SLFN5: variants seen among roughly 807,000 people sequenced by gnomAD.
The protein encoded by SLFN5 is schlafen family member 5.
A neutral mutation model predicts 48.5 loss-of-function variants in SLFN5; 34 were observed. That is an observed-to-expected ratio of 0.70 (90% CI 0.53 to 0.93). The LOEUF (loss-of-function observed/expected upper bound fraction) is 0.93. Among genes scored for constraint, SLFN5 ranks in the 40% least tolerant of loss-of-function variants. The pLI, the probability that SLFN5 is intolerant of heterozygous loss-of-function variation, is 0.00. For synonymous variants in SLFN5, 387 were observed against 396.2 expected, an observed-to-expected ratio of 0.98 and a Z score of 0.28; for missense variants, 1,006 against 1,071.3, an observed-to-expected ratio of 0.94 and a Z score of 0.85.
rs141858144 is a variant in SLFN5 at position 35,261,059 on chromosome 17, G to A, written c.1101G>A (p.Ser367=). 3.2e-5 allele frequency: 51 copies of A among 1,613,782 alleles called. No homozygotes were observed. In the East Asian group the frequency reaches 4.9e-4, roughly 16 times the overall value. The change falls in exon 3 of 5, where the codon TCG becomes TCA. Residue 367 remains serine, a synonymous_variant. Transcript: ENST00000299977. ...RSKPVCIHKN[S]ECLKEQQKRY... ...AGCCTGTGTGCATTCATAAGAATTC[G>A]GAATGTCTGAAAGAGCAGCAGAAAC...
chr17:35,252,929 A>G (rs1251150155), intron 1 of SLFN5, among the ~76,000 whole-genome samples: 1 of 151,976 alleles, frequency 6.6e-6, no homozygotes, highest in East Asian at 1.9e-4. Flanking sequence ...TCTAAACAGC[A>G]TGCTTATTTT....
In SLFN5 at chr17:35,266,141, GATGTGTGT is replaced by G. The variant is rs1243113073; in HGVS notation, c.*254_*261del. On this transcript the variant is annotated 3_prime_UTR_variant, in exon 5 of 5. Coordinates refer to ENST00000299977, the MANE Select transcript of SLFN5 (RefSeq NM_144975.4). Reference sequence around the variant, plus strand: ...TAATTAGAGGACCGTGAGACTCAGAGATGTGTGTGTGTGTGTGTGTGTGTGTGTGTGTG... The same window carrying G: ...TAATTAGAGGACCGTGAGACTCAGAGGTGTGTGTGTGTGTGTGTGTGTGTG... 45 of 354,026 alleles carry G rather than the reference GATGTGTGT, an allele frequency of 1.3e-4. No homozygotes were observed. Among genetic ancestry groups the G allele is most frequent in the Non-Finnish European group, 1.9e-4 (38 of 196,412 alleles). 21.9% of individuals were successfully genotyped at this position (354,026 alleles called of 1,614,324 possible). A position where few individuals can be genotyped will look rare whatever the true frequency, so the allele number is the denominator to read the frequency against.
chr17:35,272,540 A>G lies in SLFN5; in HGVS notation c.*6652A>G, dbSNP rs941635917. 2 of 152,246 alleles carry G rather than the reference A, an allele frequency of 1.3e-5. No individual in the cohort carries two copies. The highest frequency in any genetic ancestry group is 4.8e-5 in the African/African-American group (2 of 41,468). 9.4% of individuals were successfully genotyped at this position (152,246 alleles called of 1,614,324 possible). ...TCAGAAACCAGGAAGGAAAATATTG[A>G]CTATTTTAAACAAAATTATCTCTGT... On this transcript the variant is annotated 3_prime_UTR_variant, in exon 5 of 5. Transcript: ENST00000299977.
intron 1 of SLFN5, among the ~76,000 whole-genome samples, chr17:35,257,422 C>T (rs576819373): frequency 6.6e-6 from 1 of 152,274 alleles, no homozygotes; most frequent in Admixed American, 6.5e-5. Flanking sequence ...TCTTGGCAGC[C>T]GGACAGGTGG....
rs764466457 is a variant in SLFN5 at position 35,259,241 on chromosome 17, T to G, written c.551T>G (p.Leu184Arg). 6.2e-7 allele frequency: 1 copy of G among 1,614,164 alleles called. No homozygotes were observed. The highest frequency in any genetic ancestry group is 1.1e-5 in the South Asian group (1 of 91,084). ...TTTGATAGAAAGCGGCTTCAGTATCTGGAAAAACTCAACCTTCCTGAGTCC... is the reference window on the plus strand; with the variant it reads ...TTTGATAGAAAGCGGCTTCAGTATCGGGAAAAACTCAACCTTCCTGAGTCC... ...ALFDRKRLQY[L>R]EKLNLPESTH... Residue 184 changes from leucine to arginine, a missense_variant, in exon 2 of 5, where the codon CTG becomes CGG. Leu to Arg is a moderately radical substitution (Grantham distance 102). Coordinates refer to ENST00000299977, the MANE Select transcript of SLFN5 (RefSeq NM_144975.4).
Position 35,264,470 on chromosome 17 carries a change from C to G in SLFN5, c.1426C>G (p.Gln476Glu). Residue 476 changes from glutamine to glutamate, a missense_variant, in exon 4 of 5, where the codon CAG (glutamine) becomes GAG (glutamate). Coordinates refer to ENST00000299977, the MANE Select transcript of SLFN5 (RefSeq NM_144975.4). The stretch of plus-strand genomic sequence containing the variant: ...TATGATAGTTGCCTATTCTTTGAAG[C>G]AGAAGCTGGTGAACAAAGGCGGCTA... ...YSMIVAYSLK[Q>E]KLVNKGGYTG... 2.5e-6 allele frequency: 4 copies of G among 1,614,146 alleles called. No homozygotes were observed. The highest frequency in any genetic ancestry group is 3.4e-6 in the Non-Finnish European group (4 of 1,180,022).
chr17:35,263,820 A>AC (rs1445015650), intron 3 of SLFN5, among the ~76,000 whole-genome samples: 2 of 151,384 alleles, frequency 1.3e-5, no homozygotes, highest in Non-Finnish European at 2.9e-5. Context: ...TCAAAAAAAA[A>AC]AAAAAAGAAG....
intron 1 of SLFN5, among the ~76,000 whole-genome samples, chr17:35,244,267 G>A (rs946452163): frequency 6.6e-6 from 1 of 152,180 alleles, no homozygotes; most frequent in Non-Finnish European, 1.5e-5. Flanking sequence ...CACTAAAAAT[G>A]TTGGGGTGCT....
At chr17:35,247,276 T>C (rs903350687) in intron 1 of SLFN5, among the ~76,000 whole-genome samples, 7 of 152,224 alleles carry the variant, frequency 4.6e-5, no homozygotes, top group Admixed American at 4.6e-4. Flanking sequence ...CATTCCCTTT[T>C]TGTCACTATC....
chr17:35,257,903 A>C (rs1457436653), intron 1 of SLFN5, among the ~76,000 whole-genome samples: 1 of 152,214 alleles, frequency 6.6e-6, no homozygotes, highest in African/African-American at 2.4e-5. Context: ...CAAGAAAAAC[A>C]ATAAATATTA....
intron 1 of SLFN5, among the ~76,000 whole-genome samples, chr17:35,251,205 C>T (rs1419454167): frequency 6.6e-6 from 1 of 152,190 alleles, no homozygotes; most frequent in Non-Finnish European, 1.5e-5. Flanking sequence ...CCTTCAACTT[C>T]ATGGAAACCA....
rs926371222 is a variant in SLFN5, at chr17:35,268,918, T to G, written c.*3030T>G. 6 of 152,240 alleles carry G rather than the reference T, an allele frequency of 3.9e-5. No individual in the cohort carries two copies. Among genetic ancestry groups the G allele is most frequent in the African/African-American group, 1.4e-4 (6 of 41,456 alleles). 9.4% of individuals were successfully genotyped at this position (152,240 alleles called of 1,614,324 possible). A position where few individuals can be genotyped will look rare whatever the true frequency, so the allele number is the denominator to read the frequency against. ...CTCATCTGTTTCCCACATCCTGCAT[T>G]AGGACAGTGATCAGGGATCAGTATC... On this transcript the variant is annotated 3_prime_UTR_variant, in exon 5 of 5. Coordinates refer to ENST00000299977, the MANE Select transcript of SLFN5 (RefSeq NM_144975.4).
chr17:35,266,031 T>C lies in SLFN5; in HGVS notation c.*143T>C. 1.2e-6 allele frequency: 1 copy of C among 852,136 alleles called. No individual in the cohort carries two copies. 52.8% of individuals were successfully genotyped at this position (852,136 alleles called of 1,614,324 possible). On this transcript the variant is annotated 3_prime_UTR_variant, in exon 5 of 5. Transcript: ENST00000299977. Reference sequence around the variant, plus strand: ...GCTGGGGATTGAGAACGAATCGATGTAAGATTCCTCCTTTAGGGCAGAGAC... The same window carrying C: ...GCTGGGGATTGAGAACGAATCGATGCAAGATTCCTCCTTTAGGGCAGAGAC...
chr17:35,262,695 T>A (rs1904555539), intron 3 of SLFN5, among the ~76,000 whole-genome samples: 1 of 152,064 alleles, frequency 6.6e-6, no homozygotes, highest in South Asian at 2.1e-4. Context: ...AAACTCTGTC[T>A]CTACAAAGAA....
intron 2 of SLFN5, among the ~76,000 whole-genome samples, chr17:35,259,992 T>C (rs1249295916): frequency 6.6e-6 from 1 of 152,234 alleles, no homozygotes; most frequent in African/African-American, 2.4e-5. Context: ...TCACATCCTT[T>C]CTTATGTTCA....
intron 1 of SLFN5, among the ~76,000 whole-genome samples, chr17:35,251,665 A>G (rs1253700416): frequency 1.4e-5 from 2 of 145,200 alleles, no homozygotes; most frequent in Admixed American, 7.0e-5. Context: ...CGGCCTCCCA[A>G]AGTGCTGGGA....
At position 35,259,165 on chromosome 17, in the gene SLFN5, C is replaced by T; in HGVS notation, c.475C>T (p.Gln159Ter). ...VSNSLGPQAA[Q>*]GSVQYEGNIN... ...CAATTCATTAGGTCCACAGGCAGCTCAGGGTAGTGTACAATATGAAGGTAA... is the reference window on the plus strand; with the variant it reads ...CAATTCATTAGGTCCACAGGCAGCTTAGGGTAGTGTACAATATGAAGGTAA... The change falls in exon 2 of 5, where the codon CAG becomes TAG. Residue 159 changes from glutamine to a stop codon, truncating the protein, a stop_gained. Coordinates refer to ENST00000299977, the MANE Select transcript of SLFN5 (RefSeq NM_144975.4). LOFTEE classifies it high-confidence loss of function. 1.2e-6 allele frequency: 2 copies of T among 1,614,118 alleles called. No individual in the cohort carries two copies. Among genetic ancestry groups the T allele is most frequent in the Non-Finnish European group, 1.7e-6 (2 of 1,180,032 alleles).
At chr17:35,258,520 G>T in intron 1 of SLFN5, 131 bp from the exon 2 acceptor site, 1 of 674,158 alleles carries the variant, frequency 1.5e-6, no homozygotes, top group East Asian at 2.8e-5. Flanking sequence ...TGAGATTTGG[G>T]TGGGGACACA....
intron 3 of SLFN5, 72 bp from the exon 4 acceptor site, chr17:35,264,111 C>A: frequency 6.7e-7 from 1 of 1,492,824 alleles, no homozygotes. Flanking sequence ...TTGATTAATT[C>A]TTCTACGTAT....
Sources: allele counts gnomAD v4.1 joint callset (sites outside exome capture counted in the v4.1 genomes callset), GRCh38; gene constraint gnomAD v4.1.1; transcripts MANE v1.5; gene names NCBI Gene and HGNC (gene_info 2026-07-23, HGNC 2026-07-21).